Variants in ULK4 observed in about 807,000 individuals in gnomAD.
ULK4 encodes inactive serine/threonine-protein kinase ULK4.
Under a neutral mutation model 160.6 loss-of-function variants are expected in ULK4, and 133 were observed. The observed-to-expected ratio is 0.83, with a 90% confidence interval of 0.72 to 0.96. The LOEUF (loss-of-function observed/expected upper bound fraction) is 0.96. Ranked by LOEUF, ULK4 falls within the 40% of genes least tolerant of loss-of-function variation. The probability of loss-of-function intolerance (pLI) is 0.00; values close to 1 mark genes in which losing one functional copy is unlikely to be tolerated. For synonymous variants in ULK4, 534 were observed against 539.8 expected (o/e 0.99, Z 0.15); for missense variants, 1,580 against 1,499.5 (o/e 1.05, Z -0.89).
intron 17 of ULK4, among the ~76,000 whole-genome samples, chr3:41,836,763 G>A (rs1474490762): frequency 2.6e-5 from 4 of 152,254 alleles, no homozygotes; most frequent in East Asian, 1.9e-4. Flanking sequence ...TATAATGTAC[G>A]CTGAAACTCG....
At chr3:41,692,396 T>C (rs1322766844) in intron 27 of ULK4, among the ~76,000 whole-genome samples, 14 of 152,078 alleles carry the variant, frequency 9.2e-5, no homozygotes, top group Admixed American at 7.2e-4. Context: ...GACTGAATCA[T>C]TGAGACAATA....
intron 32 of ULK4, among the ~76,000 whole-genome samples, chr3:41,493,034 A>C (rs2084847787): frequency 8.3e-6 from 1 of 119,862 alleles, no homozygotes; most frequent in East Asian, 2.1e-4. Context: ...CAGAAAGTTA[A>C]CAAGGATATA....
intron 27 of ULK4, among the ~76,000 whole-genome samples, chr3:41,699,546 C>T (rs560614853): frequency 6.6e-6 from 1 of 152,298 alleles, no homozygotes; most frequent in South Asian, 2.1e-4. Context: ...GTGGCTTTCT[C>T]ACTGTCCTAT....
At chr3:41,445,138 A>G (rs1257590870) in intron 34 of ULK4, among the ~76,000 whole-genome samples, 2 of 152,220 alleles carry the variant, frequency 1.3e-5, no homozygotes, top group Non-Finnish European at 2.9e-5. Flanking sequence ...TTCAAAAAGG[A>G]TAAAATACTT....
intron 2 of ULK4, 124 bp downstream of exon 2, chr3:41,954,498 T>C: frequency 9.2e-7 from 1 of 1,087,318 alleles, no homozygotes; most frequent in Non-Finnish European, 1.3e-6. Flanking sequence ...ATGAAGGTCA[T>C]CCATTCCAGA....
intron 17 of ULK4, among the ~76,000 whole-genome samples, chr3:41,844,100 G>A (rs1480518202): frequency 6.6e-6 from 1 of 152,206 alleles, no homozygotes; most frequent in Non-Finnish European, 1.5e-5. Context: ...AGCACCGCTG[G>A]CTTCACCCAG....
intron 35 of ULK4, among the ~76,000 whole-genome samples, chr3:41,288,177 T>G (rs1218962967): frequency 1.3e-5 from 2 of 152,098 alleles, no homozygotes; most frequent in Admixed American, 6.5e-5. Flanking sequence ...ACAAAAAAAT[T>G]TGAAATACAG....
In ULK4 at chr3:41,361,605, G is replaced by A. The variant is rs570212885; in HGVS notation, c.3678+36474C>T. Reference sequence around the variant, plus strand: ...TTATTTTATATCACAACACTACTATGAGATAAGTTTTCATATCCCGATGTG... The same window carrying A: ...TTATTTTATATCACAACACTACTATAAGATAAGTTTTCATATCCCGATGTG... On this transcript the variant is annotated intron_variant, in intron 35 of 36. Coordinates refer to ENST00000301831, the MANE Select transcript of ULK4 (RefSeq NM_017886.4). Among the ~76,000 whole-genome samples, 11 of 152,252 alleles carry A rather than the reference G, an allele frequency of 7.2e-5. No homozygotes were observed. The East Asian group carries it at 1.9e-3, about 27-fold the overall frequency.
At chr3:41,647,378 A>G (rs200762909) in intron 30 of ULK4, among the ~76,000 whole-genome samples, 3 of 150,836 alleles carry the variant, frequency 2.0e-5, no homozygotes, top group Non-Finnish European at 1.5e-5. Context: ...TTTGGTGTGG[A>G]TGTCCTTCCT....
chr3:41,753,927 C>T (rs1194899790), intron 22 of ULK4, among the ~76,000 whole-genome samples: 1 of 152,178 alleles, frequency 6.6e-6, no homozygotes, highest in Non-Finnish European at 1.5e-5. Context: ...TCCTTCTTCA[C>T]AGCCAGGAGG....
At position 41,390,284 on chromosome 3, in the gene ULK4, A is replaced by G. The variant is rs370224871; in HGVS notation, c.3678+7795T>C. Among the ~76,000 whole-genome samples the G allele has an allele frequency of 5.9e-5, 9 of 151,904 alleles. No homozygotes were observed. In the East Asian group the frequency reaches 1.2e-3, roughly 20 times the overall value. ...TCTTTTCTTCTTTATTAGTCTTGCT[A>G]ACAGTCAATTTTGTTGATCTTTTCA... On this transcript the variant is annotated intron_variant, in intron 35 of 36. Coordinates refer to ENST00000301831, the MANE Select transcript of ULK4 (RefSeq NM_017886.4).
intron 31 of ULK4, among the ~76,000 whole-genome samples, chr3:41,606,207 AAAATGAAACCC>A (rs1278731334): frequency 6.6e-5 from 10 of 152,112 alleles, no homozygotes; most frequent in African/African-American, 2.4e-4. Flanking sequence ...ATAAGAGCAA[AAAATGAAACCC>A]AAAGGAAACA....
At chr3:41,247,930 A>T (rs1431125706) in intron 36 of ULK4, among the ~76,000 whole-genome samples, 1 of 152,210 alleles carries the variant, frequency 6.6e-6, no homozygotes, top group Non-Finnish European at 1.5e-5. Context: ...TCCAAACGAG[A>T]ACTTTGCAGG....
At chr3:41,376,522 A>G (rs969541528) in intron 35 of ULK4, among the ~76,000 whole-genome samples, 3 of 150,252 alleles carry the variant, frequency 2.0e-5, no homozygotes, top group African/African-American at 5.0e-5. Flanking sequence ...CAATTTCAGC[A>G]AAGTCTCAGG....
chr3:41,703,705 T>G (rs1280061923), intron 27 of ULK4, among the ~76,000 whole-genome samples: 1 of 151,934 alleles, frequency 6.6e-6, no homozygotes, highest in Non-Finnish European at 1.5e-5. Flanking sequence ...ACAATGGCAT[T>G]CTAAGCCATG....
At chr3:41,706,380 ATATATT>A (rs1338441733) in intron 25 of ULK4, among the ~76,000 whole-genome samples, 1 of 145,042 alleles carries the variant, frequency 6.9e-6, no homozygotes, top group Non-Finnish European at 1.5e-5. Flanking sequence ...TATTTAATAT[ATATATT>A]TATATATATT....
intron 34 of ULK4, among the ~76,000 whole-genome samples, chr3:41,438,555 A>C (rs1269880028): frequency 1.3e-5 from 2 of 152,176 alleles, no homozygotes; most frequent in Non-Finnish European, 2.9e-5. Context: ...TGAAGTTCAA[A>C]CACAGTCAGA....
rs1190845513 is a variant in ULK4 at position 41,836,418 on chromosome 3, A to C, written c.1657-447T>G. The stretch of plus-strand genomic sequence containing the variant: ...AAACTCCTGGCCTCAAGATCCACCC[A>C]CCTCGACCTCCCAAAGTGCTGGGAT... On this transcript the variant is annotated intron_variant, in intron 17 of 36. Coordinates refer to ENST00000301831, the MANE Select transcript of ULK4 (RefSeq NM_017886.4). 8.5e-5 allele frequency among the ~76,000 whole-genome samples: 13 copies of C among 152,126 alleles called. No homozygotes were observed. The East Asian group carries it at 2.5e-3, about 29-fold the overall frequency.
chr3:41,643,752 G>T (rs1003504643), intron 30 of ULK4, among the ~76,000 whole-genome samples: 7 of 152,106 alleles, frequency 4.6e-5, no homozygotes, highest in Admixed American at 3.3e-4. Flanking sequence ...GCTTGATGGG[G>T]ATGGCATTGA....
Sources: gnomAD v4.1 joint callset for allele counts (sites outside exome capture counted in the v4.1 genomes callset) on GRCh38, gnomAD v4.1.1 for gene constraint, MANE v1.5 for transcripts, NCBI Gene and HGNC (gene_info 2026-07-23, HGNC 2026-07-21) for gene names.